KCND3: variants seen among roughly 807,000 people sequenced by gnomAD.
KCND3 encodes A-type voltage-gated potassium channel KCND3.
Under a neutral mutation model 51.1 loss-of-function variants are expected in KCND3, and 9 were observed. That is an observed-to-expected ratio of 0.18 (90% confidence interval 0.11 to 0.31). KCND3 has a LOEUF of 0.31. Ranked by LOEUF, KCND3 falls within the 10% of genes least tolerant of loss-of-function variation. The pLI is 1.00. For missense variants in KCND3, 526 were observed against 903.8 expected (o/e 0.58, Z 5.36); for synonymous variants, 349 against 368.0 (o/e 0.95, Z 0.59).
intron 2 of KCND3, among the ~76,000 whole-genome samples, chr1:111,908,079 G>A (rs907854829): frequency 2.6e-5 from 4 of 152,174 alleles, no homozygotes; most frequent in African/African-American, 4.8e-5. Flanking sequence ...CTTTACTTGC[G>A]TTGTTCCTCT....
intron 6 of KCND3, 54 bp downstream of exon 6, chr1:111,778,382 A>G: frequency 1.0e-5 from 16 of 1,530,714 alleles, no homozygotes; most frequent in South Asian, 4.5e-5. Context: ...GAGAATCCAC[A>G]GACTCAGAAT....
Position 111,777,024 on chromosome 1 carries a change from A to G in KCND3, c.1766+2T>C. 1 of 1,613,256 alleles carries G rather than the reference A, an allele frequency of 6.2e-7. No individual in the cohort carries two copies. Among genetic ancestry groups the G allele is most frequent in the Non-Finnish European group, 8.5e-7 (1 of 1,179,858 alleles). On this transcript the variant is annotated splice_donor_variant, in intron 7 of 7. Transcript: ENST00000302127. LOFTEE classifies it high-confidence loss of function. ...GCGGGTGATGGGATGGAAGCCACCC[A>G]CCTGGTTGTGAGGGAGGGCTGCTCA...
chr1:111,804,228 C>T (rs981823308), intron 2 of KCND3, among the ~76,000 whole-genome samples: 18 of 152,362 alleles, frequency 1.2e-4, no homozygotes, highest in African/African-American at 3.8e-4. Flanking sequence ...GTTTCCTTGG[C>T]AATCAGAGCC....
At chr1:111,867,655 C>T (rs1018002499) in intron 2 of KCND3, among the ~76,000 whole-genome samples, 2 of 152,168 alleles carry the variant, frequency 1.3e-5, no homozygotes, top group South Asian at 2.1e-4. Flanking sequence ...TATGAGTCTT[C>T]TTCCCTCTCT....
intron 2 of KCND3, among the ~76,000 whole-genome samples, chr1:111,949,760 T>TG (rs1285375173): frequency 2.0e-5 from 3 of 152,098 alleles, no homozygotes; most frequent in Admixed American, 2.0e-4. Flanking sequence ...AGGTTTAACA[T>TG]GTGATTCCTT....
At chr1:111,939,174 C>T (rs370449436) in intron 2 of KCND3, among the ~76,000 whole-genome samples, 7 of 152,292 alleles carry the variant, frequency 4.6e-5, no homozygotes, top group African/African-American at 7.2e-5. Flanking sequence ...AGGCCAAACA[C>T]GACTTCCTCA....
At chr1:111,965,151 C>A (rs917188382) in intron 2 of KCND3, among the ~76,000 whole-genome samples, 1 of 150,808 alleles carries the variant, frequency 6.6e-6, no homozygotes, top group African/African-American at 2.4e-5. Context: ...CAGGAAAGAT[C>A]CCCCAGCAAT....
chr1:111,926,711 C>T (rs962055535), intron 2 of KCND3, among the ~76,000 whole-genome samples: 2 of 152,362 alleles, frequency 1.3e-5, no homozygotes, highest in African/African-American at 4.8e-5. Context: ...TCCCCTTCAG[C>T]ACTTTAGGAG....
chr1:111,834,227 A>G (rs964723817), intron 2 of KCND3, among the ~76,000 whole-genome samples: 1 of 152,230 alleles, frequency 6.6e-6, no homozygotes, highest in Non-Finnish European at 1.5e-5. Flanking sequence ...GTAGCTATAG[A>G]TGCCCACTAG....
chr1:111,874,089 T>C lies in KCND3; in HGVS notation c.1107-86983A>G, dbSNP rs1221204827. Among the ~76,000 whole-genome samples, 4 of 152,206 alleles carry C rather than the reference T, an allele frequency of 2.6e-5. No homozygotes were observed. In the East Asian group the frequency reaches 7.7e-4, roughly 29 times the overall value. On this transcript the variant is annotated intron_variant, in intron 2 of 7. Transcript: ENST00000302127. ...CAAGCAGCCTGACCCAGCCATTAAT[T>C]GCTGCGCACTCACAGATGGGCAGCT...
intron 2 of KCND3, among the ~76,000 whole-genome samples, chr1:111,860,357 T>C (rs55755412): frequency 0.011 from 1,622 of 152,316 alleles, 14 homozygotes; most frequent in Non-Finnish European, 0.016. Context: ...TCAGATCTGT[T>C]TGACTTGCTT....
chr1:111,886,127 T>G (rs1369917266), intron 2 of KCND3, among the ~76,000 whole-genome samples: 1 of 152,212 alleles, frequency 6.6e-6, no homozygotes, highest in Non-Finnish European at 1.5e-5. Flanking sequence ...TTGGCAATGA[T>G]GAGTATAATA....
chr1:111,968,310 G>A (rs10776739), intron 2 of KCND3, among the ~76,000 whole-genome samples: 48,803 of 151,632 alleles, frequency 0.32, 8,299 homozygotes, highest in East Asian at 0.43. Context: ...AAAATCTCAG[G>A]AACTCAAAGC....
rs1313846442 is a variant in KCND3, at chr1:111,780,529, G to C, written c.1371+161C>G. On this transcript the variant is annotated intron_variant, in intron 4 of 7. Transcript: ENST00000302127. This position sits in a 1 kb window ranked among gnomAD's most constrained non-coding sequence, Gnocchi z 4.2. The stretch of plus-strand genomic sequence containing the variant: ...AGGTAGTGGTGATAATCCTATGGAA[G>C]TGGTGTGTGAATGGGGGGCTGCTAC... 6.6e-6 allele frequency among the ~76,000 whole-genome samples: 1 copy of C among 152,182 alleles called. No homozygotes were observed. The highest frequency in any genetic ancestry group is 1.5e-5 in the Non-Finnish European group (1 of 68,038).
intron 2 of KCND3, among the ~76,000 whole-genome samples, chr1:111,872,602 G>T (rs17028895): frequency 0.16 from 24,507 of 151,960 alleles, 2,622 homozygotes; most frequent in East Asian, 0.53. Flanking sequence ...GAGAAAGAGT[G>T]TTTTTTTATG....
At chr1:111,873,393 G>C (rs1215782450) in intron 2 of KCND3, among the ~76,000 whole-genome samples, 2 of 152,208 alleles carry the variant, frequency 1.3e-5, no homozygotes, top group Non-Finnish European at 2.9e-5. Flanking sequence ...GTGGCATGTG[G>C]TATGGAGGCA....
intron 2 of KCND3, among the ~76,000 whole-genome samples, chr1:111,843,960 C>T (rs1667439918): frequency 6.6e-6 from 1 of 152,136 alleles, no homozygotes. Context: ...GGCTTCTTCC[C>T]CTTTCTCCAC....
chr1:111,849,943 G>A (rs990851931), intron 2 of KCND3, among the ~76,000 whole-genome samples: 13 of 151,968 alleles, frequency 8.6e-5, no homozygotes, highest in African/African-American at 2.7e-4. Context: ...CCTCCTCCCC[G>A]TGGGCCCTCC....
rs1408726024 is a variant in KCND3 at position 111,940,082 on chromosome 1, T to TTC, written c.1106+41538_1106+41539insGA. Among the ~76,000 whole-genome samples the TTC allele has an allele frequency of 1.2e-4, 17 of 138,824 alleles. 1 individual carries two copies. The highest frequency in any genetic ancestry group is 1.1e-3 in the South Asian group (4 of 3,768). 91.1% of individuals were successfully genotyped at this position (138,824 alleles called of 152,430 possible). Reference sequence around the variant, plus strand: ...CGCCTACTTTTTGATGGTTTTTTTTTTTTTTTTTTTTTTTGTAAGTTCCTT... The same window carrying TTC: ...CGCCTACTTTTTGATGGTTTTTTTTTTCTTTTTTTTTTTTTTGTAAGTTCCTT... On this transcript the variant is annotated intron_variant, in intron 2 of 7. Transcript: ENST00000302127.
Sources: allele counts gnomAD v4.1 joint callset (sites outside exome capture counted in the v4.1 genomes callset), GRCh38; gene constraint gnomAD v4.1.1; non-coding constraint Gnocchi (gnomAD v3.1); transcripts MANE v1.5; gene names NCBI Gene and HGNC (gene_info 2026-07-23, HGNC 2026-07-21).